Variants in AGR3 observed in about 807,000 individuals in gnomAD.
The protein encoded by AGR3 is anterior gradient protein 3.
In AGR3, 37 loss-of-function variants were observed where a neutral mutation model predicts 24.5. The ratio of observed to expected loss-of-function variants is 1.51; its 90% CI spans 1.16 to 1.99. The LOEUF (loss-of-function observed/expected upper bound fraction) is 1.99. Ranked by LOEUF, AGR3 falls within the 30% of genes most tolerant of loss-of-function variation. The pLI is 0.00. For missense variants in AGR3, 228 were observed against 191.1 expected, an observed-to-expected ratio of 1.19 and a Z score of -1.14; for synonymous variants, 75 against 61.6, an observed-to-expected ratio of 1.22 and a Z score of -1.02.
intron 3 of AGR3, 79 bp from the exon 4 acceptor site, chr7:16,862,741 T>C: frequency 2.1e-6 from 2 of 974,462 alleles, no homozygotes; most frequent in East Asian, 5.7e-5. Context: ...TTTAAAATTT[T>C]ATTAGCTTCA....
intron 3 of AGR3, among the ~76,000 whole-genome samples, chr7:16,872,987 T>C (rs1187414533): frequency 1.3e-5 from 2 of 152,214 alleles, no homozygotes; most frequent in African/African-American, 2.4e-5. Context: ...GAGGGAATTC[T>C]TATACACTGT....
intron 2 of AGR3, among the ~76,000 whole-genome samples, chr7:16,877,204 T>C (rs896333969): frequency 6.8e-6 from 1 of 148,048 alleles, no homozygotes; most frequent in Non-Finnish European, 1.5e-5. Flanking sequence ...AATTTGAAAT[T>C]ATATAATATA....
At chr7:16,873,624 GAT>G in intron 3 of AGR3, 154 bp downstream of exon 3, 1 of 609,858 alleles carries the variant, frequency 1.6e-6, no homozygotes. Flanking sequence ...AGAAAGAAAT[GAT>G]ATGTTTCAGG....
At chr7:16,867,406 A>T (rs923091939) in intron 3 of AGR3, among the ~76,000 whole-genome samples, 2 of 152,132 alleles carry the variant, frequency 1.3e-5, no homozygotes, top group Admixed American at 1.3e-4. Context: ...TAAAAGTTGT[A>T]TATATTTATG....
chr7:16,872,912 C>T (rs1378095346), intron 3 of AGR3, among the ~76,000 whole-genome samples: 1 of 152,060 alleles, frequency 6.6e-6, no homozygotes, highest in African/African-American at 2.4e-5. Context: ...TATTATCCCA[C>T]CACAGTTAGA....
At chr7:16,874,526 G>A (rs573900600) in intron 2 of AGR3, among the ~76,000 whole-genome samples, 1 of 152,206 alleles carries the variant, frequency 6.6e-6, no homozygotes, top group African/African-American at 2.4e-5. Flanking sequence ...TCAAGTAGAA[G>A]AATGTGCAGA....
downstream of AGR3, among the ~76,000 whole-genome samples, chr7:16,855,263 C>A (rs1450119890): frequency 6.6e-6 from 1 of 152,134 alleles, no homozygotes; most frequent in Non-Finnish European, 1.5e-5. Flanking sequence ...TACCTCCATT[C>A]TGAGATACTG....
chr7:16,878,778 A>G (rs1782045886), intron 1 of AGR3, 133 bp from the exon 2 acceptor site: 1 of 589,808 alleles, frequency 1.7e-6, no homozygotes, highest in East Asian at 2.8e-5. Context: ...GGTATAACCA[A>G]CCACATAGAA....
intron 1 of AGR3, among the ~76,000 whole-genome samples, chr7:16,880,059 C>G (rs1782075309): frequency 6.6e-6 from 1 of 151,248 alleles, no homozygotes; most frequent in African/African-American, 2.4e-5. Context: ...CTTCCCTTCC[C>G]CTTCCTTCCT....
Position 16,868,186 on chromosome 7 carries a change from G to T in AGR3, c.174-5524C>A, listed in dbSNP as rs28766954. 5.4e-4 allele frequency among the ~76,000 whole-genome samples: 81 copies of T among 150,830 alleles called. No homozygotes were observed. In the East Asian group the frequency reaches 0.013, roughly 25 times the overall value. On this transcript the variant is annotated intron_variant, in intron 3 of 7. Coordinates refer to ENST00000310398, the MANE Select transcript of AGR3 (RefSeq NM_176813.5). ...TCTTTTTTTTTTGAGATGGAGTTTC[G>T]CTCTTGTTGCCCAGGCTGGAGTGCA...
At chr7:16,864,886 C>T (rs182092163) in intron 3 of AGR3, 11 of 888,890 alleles carry the variant, frequency 1.2e-5, no homozygotes, top group Admixed American at 6.8e-5. Flanking sequence ...ACCTGCAAAA[C>T]TTAGAAATTC....
chr7:16,864,310 A>T (rs1781707082), intron 3 of AGR3: 1 of 1,358,636 alleles, frequency 7.4e-7, no homozygotes, highest in African/African-American at 1.4e-5. Context: ...ATTTTCTTCC[A>T]CGTCTCCTTG....
At chr7:16,862,134 C>T in intron 4 of AGR3, 74 bp from the exon 5 acceptor site, 1 of 1,158,074 alleles carries the variant, frequency 8.6e-7, no homozygotes, top group Non-Finnish European at 1.3e-6. Context: ...CAAAATAAAG[C>T]TAATATTTAG....
At chr7:16,871,590 C>A (rs1246641028) in intron 3 of AGR3, among the ~76,000 whole-genome samples, 2 of 152,142 alleles carry the variant, frequency 1.3e-5, no homozygotes. Context: ...CGCCTGTAAT[C>A]CCAGCACTTT....
chr7:16,870,979 G>A (rs1326043134), intron 3 of AGR3, among the ~76,000 whole-genome samples: 1 of 152,086 alleles, frequency 6.6e-6, no homozygotes, highest in Non-Finnish European at 1.5e-5. Flanking sequence ...TTAATAATAT[G>A]TTTCTCAGCT....
At chr7:16,864,974 C>T in intron 3 of AGR3, 2 of 988,220 alleles carry the variant, frequency 2.0e-6, no homozygotes, top group South Asian at 1.3e-5. Context: ...AATAAGTCTC[C>T]TGGCATGTGT....
intron 7 of AGR3, among the ~76,000 whole-genome samples, chr7:16,859,912 T>C (rs1481107895): frequency 6.6e-6 from 1 of 152,028 alleles, no homozygotes; most frequent in Non-Finnish European, 1.5e-5. Flanking sequence ...TATTGCTAGA[T>C]CTTACAGGCA....
rs138508209 is a variant in AGR3 at position 16,863,010 on chromosome 7, C to A, written c.174-348G>T. ...CGCTTGAACCCAGGAGGTGAGGTTG[C>A]GGTGAGCCGAGATGGCGCCACTGCA... is the stretch of plus-strand genomic sequence containing the variant. On this transcript the variant is annotated intron_variant, in intron 3 of 7. Coordinates refer to ENST00000310398, the MANE Select transcript of AGR3 (RefSeq NM_176813.5). Among the ~76,000 whole-genome samples, 511 of 152,246 alleles carry A rather than the reference C, an allele frequency of 3.4e-3. 5 individuals carry two copies. Among genetic ancestry groups the A allele is most frequent in the African/African-American group, 0.012 (486 of 41,544 alleles).
At chr7:16,871,326 C>T (rs1781859417) in intron 3 of AGR3, among the ~76,000 whole-genome samples, 1 of 152,084 alleles carries the variant, frequency 6.6e-6, no homozygotes, top group Non-Finnish European at 1.5e-5. Context: ...ATTCTAATAG[C>T]AACTATTAGT....
Sources: allele counts gnomAD v4.1 joint callset (sites outside exome capture counted in the v4.1 genomes callset), GRCh38; gene constraint gnomAD v4.1.1; transcripts MANE v1.5; gene names NCBI Gene and HGNC (gene_info 2026-07-23, HGNC 2026-07-21).